Variants in HAUS6 observed in about 807,000 individuals in gnomAD.
HAUS6 encodes the protein HAUS augmin like complex subunit 6, also known as HAUS augmin-like complex subunit 6.
A neutral mutation model predicts 106.8 loss-of-function variants in HAUS6; 80 were observed. The ratio of observed to expected loss-of-function variants is 0.75; its 90% CI spans 0.63 to 0.90. HAUS6 has a LOEUF of 0.90. Ranked by LOEUF, HAUS6 falls within the 40% of genes least tolerant of loss-of-function variation. HAUS6 has a pLI of 0.00. For missense variants in HAUS6, 1,155 were observed against 1,118.1 expected (o/e 1.03, Z -0.47); for synonymous variants, 356 against 379.1 (o/e 0.94, Z 0.71).
In HAUS6 at chr9:19,086,712, C is replaced by T. The variant is rs116041657; in HGVS notation, c.699+22G>A. The T allele has an allele frequency of 2.0e-3, 2,075 of 1,059,386 alleles. 28 individuals carry two copies. The African/African-American group carries it at 0.03, about 15-fold the overall frequency. The allele number at this position is 1,059,386 out of a possible 1,614,324, so 65.6% of individuals were successfully genotyped here. On this transcript the variant is annotated intron_variant, in intron 7 of 16. Coordinates refer to ENST00000380502, the MANE Select transcript of HAUS6 (RefSeq NM_017645.5). ...CACAGAATTTTAAAAGATTAAATTT[C>T]TCCTTTTATAAGTTGTCTCACCTTT... is the stretch of plus-strand genomic sequence containing the variant.
chr9:19,090,450 C>T (rs980232335), intron 4 of HAUS6, among the ~76,000 whole-genome samples: 5 of 152,042 alleles, frequency 3.3e-5, no homozygotes, highest in Admixed American at 3.3e-4. Flanking sequence ...CTGCAACCTC[C>T]GCCTCCAGGG....
At chr9:19,070,321 GTTACTCT>G in intron 11 of HAUS6, 21 bp from the exon 12 acceptor site, 4 of 1,281,762 alleles carry the variant, frequency 3.1e-6, no homozygotes, top group Non-Finnish European at 4.5e-6. Context: ...TTAAAAATTG[GTTACTCT>G]TTAATTATGT....
chr9:19,093,643 CG>C (rs1292957994), intron 3 of HAUS6, among the ~76,000 whole-genome samples: 124 of 152,262 alleles, frequency 8.1e-4, no homozygotes, highest in African/African-American at 2.8e-3. Flanking sequence ...CCGAGGCAGA[CG>C]GATCACTGGA....
chr9:19,081,806 C>T (rs1024173194), intron 8 of HAUS6, among the ~76,000 whole-genome samples: 4 of 152,018 alleles, frequency 2.6e-5, no homozygotes, highest in Non-Finnish European at 4.4e-5. Context: ...TGGCTCACGC[C>T]TGTAATCCCA....
intron 12 of HAUS6, among the ~76,000 whole-genome samples, chr9:19,066,427 A>G (rs1212694287): frequency 1.3e-5 from 2 of 152,196 alleles, no homozygotes; most frequent in Non-Finnish European, 2.9e-5. Context: ...TGAGACTAGA[A>G]TTCAATTTCT....
chr9:19,071,167 T>C (rs1332170115), intron 11 of HAUS6, among the ~76,000 whole-genome samples: 1 of 152,012 alleles, frequency 6.6e-6, no homozygotes, highest in Non-Finnish European at 1.5e-5. Flanking sequence ...GAAGTAAGGA[T>C]TACAGAGGTA....
intron 14 of HAUS6, 22 bp from the exon 15 acceptor site, chr9:19,060,245 A>T (rs1345066461): frequency 6.6e-7 from 1 of 1,504,976 alleles, no homozygotes; most frequent in Non-Finnish European, 8.9e-7. Flanking sequence ...AAGAAAAAGT[A>T]AAGCAAAGAT....
In HAUS6 at chr9:19,082,940, T is replaced by A. The variant is rs1172879173; in HGVS notation, c.803A>T (p.Asp268Val). ...VLSLVNQYAL[D>V]GTNVAINIPR... ...AATATTAATAGCAACATTAGTTCCATCTAAAGCATATTGGTTAACAAGACT... is the reference window on the plus strand; with the variant it reads ...AATATTAATAGCAACATTAGTTCCAACTAAAGCATATTGGTTAACAAGACT... Residue 268 changes from aspartate to valine, a missense_variant, in exon 8 of 17, where the codon GAT becomes GTT. This residue lies in a region of HAUS6 where 761 missense variants were observed against 690.0 expected (regional missense o/e 1.10). Transcript: ENST00000380502. 2 of 1,549,620 alleles carry A rather than the reference T, an allele frequency of 1.3e-6. No individual in the cohort carries two copies. Among genetic ancestry groups the A allele is most frequent in the African/African-American group, 1.4e-5 (1 of 72,664 alleles).
chr9:19,084,627 TC>T (rs1837244086), intron 7 of HAUS6, among the ~76,000 whole-genome samples: 2 of 147,814 alleles, frequency 1.4e-5, no homozygotes, highest in South Asian at 4.3e-4. Flanking sequence ...TCACTTTTTT[TC>T]TTTTTTCTTT....
intron 5 of HAUS6, among the ~76,000 whole-genome samples, 169 bp from the exon 6 acceptor site, chr9:19,087,325 G>A (rs1259262889): frequency 6.6e-6 from 1 of 152,054 alleles, no homozygotes; most frequent in Non-Finnish European, 1.5e-5. Flanking sequence ...CAACATACAG[G>A]CTCCTATTGA....
chr9:19,060,791 G>A (rs939406525), intron 14 of HAUS6, among the ~76,000 whole-genome samples: 6 of 151,976 alleles, frequency 3.9e-5, no homozygotes, highest in African/African-American at 7.2e-5. Context: ...CAATAAAACC[G>A]AAAAAGAAAA....
chr9:19,096,116 T>C (rs1168698189), intron 2 of HAUS6, among the ~76,000 whole-genome samples: 1 of 152,116 alleles, frequency 6.6e-6, no homozygotes, highest in African/African-American at 2.4e-5. Flanking sequence ...AAGAAATCTA[T>C]AAAAACTATA....
In HAUS6 at chr9:19,053,392, C is replaced by T. The variant is rs1167974037; in HGVS notation, c.*2951G>A. ...CTCACAGTAGGAAGATAATAGTCTGCTTTTACACAGGTCTCCAGAATTCCT... is the reference window on the plus strand; with the variant it reads ...CTCACAGTAGGAAGATAATAGTCTGTTTTTACACAGGTCTCCAGAATTCCT... On this transcript the variant is annotated 3_prime_UTR_variant, in exon 17 of 17. Coordinates refer to ENST00000380502, the MANE Select transcript of HAUS6 (RefSeq NM_017645.5). 6.6e-6 allele frequency: 1 copy of T among 152,144 alleles called. No individual in the cohort carries two copies. The allele number at this position is 152,144 out of a possible 1,614,324, so 9.4% of individuals were successfully genotyped here. A position where few individuals can be genotyped will look rare whatever the true frequency, so the allele number is the denominator to read the frequency against.
chr9:19,099,271 A>T (rs952612359), intron 1 of HAUS6, among the ~76,000 whole-genome samples: 27 of 149,708 alleles, frequency 1.8e-4, no homozygotes, highest in Non-Finnish European at 3.1e-4. Flanking sequence ...GGTTCACGCC[A>T]TTCTCCTGCC....
chr9:19,066,704 G>T (rs1836766634), intron 12 of HAUS6, among the ~76,000 whole-genome samples: 1 of 151,628 alleles, frequency 6.6e-6, no homozygotes, highest in Non-Finnish European at 1.5e-5. Flanking sequence ...ATCAGAACCA[G>T]AAATGGAAGC....
intron 1 of HAUS6, among the ~76,000 whole-genome samples, chr9:19,101,773 G>A (rs7048069): frequency 0.86 from 130,832 of 152,134 alleles, 56,704 homozygotes; most frequent in African/African-American, 0.97. Flanking sequence ...TACAAAAATT[G>A]GTTGGGCGTG....
chr9:19,091,160 C>T (rs548093932), intron 4 of HAUS6, among the ~76,000 whole-genome samples: 3 of 152,102 alleles, frequency 2.0e-5, no homozygotes, highest in East Asian at 3.9e-4. Context: ...AATTAGCAGG[C>T]ATGGTGGCGC....
chr9:19,062,583 C>G (rs7859259), intron 14 of HAUS6, among the ~76,000 whole-genome samples: 43,472 of 152,104 alleles, frequency 0.29, 7,997 homozygotes, highest in African/African-American at 0.53. Context: ...CTGTAGCCTT[C>G]TTTATCCCAT....
chr9:19,097,655 C>G (rs1234836363), intron 1 of HAUS6, among the ~76,000 whole-genome samples: 1 of 152,078 alleles, frequency 6.6e-6, no homozygotes, highest in Non-Finnish European at 1.5e-5. Context: ...TCACCTCACC[C>G]TAGAGTCCAG....
Sources: gnomAD v4.1 joint callset for allele counts (sites outside exome capture counted in the v4.1 genomes callset) on GRCh38, gnomAD v4.1.1 for gene constraint, gnomAD v4.1.1 regional missense constraint, MANE v1.5 for transcripts, NCBI Gene and HGNC (gene_info 2026-07-23, HGNC 2026-07-21) for gene names.